The following PPP4R2 variants were observed in gnomAD, a reference collection of about 807,000 sequenced individuals.
PPP4R2 encodes the protein serine/threonine-protein phosphatase 4 regulatory subunit 2.
PPP4R2 carries 13 observed loss-of-function variants against 47.2 expected under a neutral mutation model. The observed-to-expected ratio is 0.28, with a 90% confidence interval of 0.18 to 0.44. The LOEUF is 0.44. Ranked by LOEUF, PPP4R2 falls within the 20% of genes least tolerant of loss-of-function variation. PPP4R2 has a pLI of 1.00. For synonymous variants in PPP4R2, 151 were observed against 163.3 expected, an observed-to-expected ratio of 0.92 and a Z score of 0.57; for missense variants, 421 against 491.2, an observed-to-expected ratio of 0.86 and a Z score of 1.35.
At chr3:73,040,099 T>C (rs1006540080) in intron 2 of PPP4R2, among the ~76,000 whole-genome samples, 6 of 152,064 alleles carry the variant, frequency 3.9e-5, no homozygotes, top group African/African-American at 1.4e-4. Flanking sequence ...GAAGAAGCCC[T>C]GGGATGAGGG....
intron 2 of PPP4R2, among the ~76,000 whole-genome samples, chr3:73,002,604 T>TTTTTC (rs67976074): frequency 0.056 from 5,713 of 101,960 alleles, 434 homozygotes; most frequent in Non-Finnish European, 0.079. Context: ...TGCACAGGGA[T>TTTTTC]TTTTCTTTTC....
intron 2 of PPP4R2, among the ~76,000 whole-genome samples, chr3:73,010,390 G>A (rs71625024): frequency 1.5e-3 from 233 of 152,060 alleles, no homozygotes; most frequent in Non-Finnish European, 2.8e-3. Context: ...TGCCTGGCTA[G>A]AAAAATAAAA....
At chr3:73,031,103 C>A (rs1199792812) in intron 2 of PPP4R2, among the ~76,000 whole-genome samples, 2 of 152,064 alleles carry the variant, frequency 1.3e-5, no homozygotes, top group African/African-American at 4.8e-5. Context: ...ATAGGAAATC[C>A]TGGTGGAGTC....
At chr3:73,012,328 C>T (rs11714092) in intron 2 of PPP4R2, among the ~76,000 whole-genome samples, 20,698 of 151,942 alleles carry the variant, frequency 0.14, 1,714 homozygotes, top group East Asian at 0.36. Flanking sequence ...GAGACGGAGT[C>T]TTGCTCTGTC....
At chr3:73,036,103 A>G (rs887396616) in intron 2 of PPP4R2, among the ~76,000 whole-genome samples, 1 of 152,224 alleles carries the variant, frequency 6.6e-6, no homozygotes, top group Non-Finnish European at 1.5e-5. Context: ...ACCAATGTGG[A>G]TGGAACTGGA....
intron 2 of PPP4R2, among the ~76,000 whole-genome samples, chr3:73,002,604 TTTTTCTTTTCTTTTC>T (rs67976074): frequency 1.1e-4 from 11 of 102,598 alleles, no homozygotes; most frequent in African/African-American, 2.8e-4. Flanking sequence ...TGCACAGGGA[TTTTTCTTTTCTTTTC>T]TTTTCTTTTC....
rs1287932175 is a variant in PPP4R2, at chr3:73,064,823, T to C, written c.639-29T>C. 5.2e-6 allele frequency: 8 copies of C among 1,540,792 alleles called. No individual in the cohort carries two copies. In the African/African-American group the frequency reaches 6.9e-5, roughly 13 times the overall value. ...GTAGAAGATGGGGAAAATAATCTTA[T>C]TAATGACACTTTAAAAAAACATTTA... On this transcript the variant is annotated intron_variant, in intron 7 of 8. Coordinates refer to ENST00000356692, the MANE Select transcript of PPP4R2 (RefSeq NM_174907.4).
At chr3:73,056,458 A>G (rs1702733902) in intron 3 of PPP4R2, among the ~76,000 whole-genome samples, 1 of 152,224 alleles carries the variant, frequency 6.6e-6, no homozygotes, top group Non-Finnish European at 1.5e-5. Context: ...TGTTACGTTC[A>G]TTTATCATAC....
chr3:73,041,502 A>G (rs1350209133), intron 2 of PPP4R2, among the ~76,000 whole-genome samples: 1 of 152,260 alleles, frequency 6.6e-6, no homozygotes, highest in Non-Finnish European at 1.5e-5. Context: ...TGATTGAAAT[A>G]TCTGCCTTTT....
intron 2 of PPP4R2, among the ~76,000 whole-genome samples, chr3:73,020,611 A>T (rs1412286864): frequency 6.8e-6 from 1 of 148,036 alleles, no homozygotes; most frequent in Non-Finnish European, 1.5e-5. Flanking sequence ...TCAGGGATGC[A>T]TGGGGCCAAG....
chr3:73,061,644 G>A (rs1171136003), intron 5 of PPP4R2: 2 of 177,582 alleles, frequency 1.1e-5, no homozygotes, highest in African/African-American at 4.8e-5. Flanking sequence ...ATTGCCAAAT[G>A]TCTCTTGGAG....
intron 2 of PPP4R2, among the ~76,000 whole-genome samples, chr3:73,038,049 G>A (rs1384379786): frequency 3.3e-5 from 5 of 152,138 alleles, no homozygotes; most frequent in South Asian, 2.1e-4. Flanking sequence ...CTACCAACCC[G>A]GTCCTGTCTG....
intron 2 of PPP4R2, among the ~76,000 whole-genome samples, chr3:73,017,244 G>A (rs1701859892): frequency 6.6e-6 from 1 of 152,148 alleles, no homozygotes; most frequent in Non-Finnish European, 1.5e-5. Flanking sequence ...TCTGTGGGGA[G>A]AGAGCCTTCA....
intron 2 of PPP4R2, chr3:73,015,688 A>G: frequency 4.2e-6 from 1 of 237,392 alleles, no homozygotes; most frequent in Non-Finnish European, 8.5e-6. Context: ...CCCAGACTGG[A>G]GTGCAGTGGC....
chr3:73,025,954 T>C (rs1702055337), intron 2 of PPP4R2, among the ~76,000 whole-genome samples: 1 of 152,212 alleles, frequency 6.6e-6, no homozygotes, highest in South Asian at 2.1e-4. Context: ...CATTAGGTTA[T>C]GGATCTGTAG....
rs1445214786 is a variant in PPP4R2 at position 73,064,876 on chromosome 3, A to G, written c.663A>G (p.Glu221=). ...NHSDSSTSES[E]VSSVSPLKNK... ...GTGACTCTTCGACCTCTGAATCAGAAGTTTCCTCAGTGAGCCCTTTGAAAA... is the reference window on the plus strand; with the variant it reads ...GTGACTCTTCGACCTCTGAATCAGAGGTTTCCTCAGTGAGCCCTTTGAAAA... The change falls in exon 8 of 9, where the codon GAA becomes GAG. Residue 221 remains glutamate (E), a synonymous_variant. Coordinates refer to ENST00000356692, the MANE Select transcript of PPP4R2 (RefSeq NM_174907.4). 1 of 1,609,386 alleles carries G rather than the reference A, an allele frequency of 6.2e-7. No homozygotes were observed.
At chr3:73,000,917 G>T (rs2107195880) in intron 2 of PPP4R2, among the ~76,000 whole-genome samples, 1 of 152,294 alleles carries the variant, frequency 6.6e-6, no homozygotes, top group South Asian at 2.1e-4. Flanking sequence ...TGATGGGTTT[G>T]AGTTGCAATT....
At chr3:72,998,404 C>T (rs1575831623) in intron 2 of PPP4R2, among the ~76,000 whole-genome samples, 1 of 152,090 alleles carries the variant, frequency 6.6e-6, no homozygotes, top group African/African-American at 2.4e-5. Context: ...GGCTTTGGCA[C>T]GCTTAGAGAA....
rs1370167478 is a variant in PPP4R2 at position 73,021,880 on chromosome 3, G to GTGTGTA, written c.116+23723_116+23724insGTGTAT. ...TGTGTGTGTGTGTGTGTGTGTGTGT[G>GTGTGTA]TATATATGCATATATATATATTTTT... On this transcript the variant is annotated intron_variant, in intron 2 of 8. Transcript: ENST00000356692. 5.6e-3 allele frequency among the ~76,000 whole-genome samples: 758 copies of GTGTGTA among 135,370 alleles called. 2 individuals carry two copies. The highest frequency in any genetic ancestry group is 8.3e-3 in the African/African-American group (300 of 36,334). 88.8% of individuals were successfully genotyped at this position (135,370 alleles called of 152,430 possible).
Sources: allele counts gnomAD v4.1 joint callset (sites outside exome capture counted in the v4.1 genomes callset), GRCh38; gene constraint gnomAD v4.1.1; transcripts MANE v1.5; gene names NCBI Gene and HGNC (gene_info 2026-07-23, HGNC 2026-07-21).